CACNB2: variants seen among roughly 807,000 people sequenced by gnomAD.
CACNB2 encodes the protein calcium voltage-gated channel auxiliary subunit beta 2.
CACNB2 carries 42 observed loss-of-function variants against 73.3 expected under a neutral mutation model. The observed-to-expected ratio is 0.57, with a 90% CI of 0.45 to 0.74. The LOEUF (loss-of-function observed/expected upper bound fraction) is 0.74. CACNB2 is among the 30% of genes least tolerant of loss of function. CACNB2 has a pLI of 0.00. For missense variants in CACNB2, 940 were observed against 853.0 expected (o/e 1.10, Z -1.27); for synonymous variants, 348 against 310.3 (o/e 1.12, Z -1.28).
At position 18,372,715 on chromosome 10, in the gene CACNB2, A is replaced by G. The variant is rs183443557; in HGVS notation, c.214-29209A>G. ...AGCCACTGTGCCTAGCGCTGTTTTC[A>G]TATTTTTAAGCCATATTTCCTTCTT... On this transcript the variant is annotated intron_variant, in intron 2 of 13. Coordinates refer to ENST00000324631, the MANE Select transcript of CACNB2 (RefSeq NM_201596.3). 7.2e-5 allele frequency among the ~76,000 whole-genome samples: 11 copies of G among 152,126 alleles called. No individual in the cohort carries two copies. In the East Asian group the frequency reaches 1.9e-3, roughly 27 times the overall value.
At chr10:18,502,345 A>T (rs2050239038) in intron 5 of CACNB2, among the ~76,000 whole-genome samples, 1 of 151,300 alleles carries the variant, frequency 6.6e-6, no homozygotes, top group Admixed American at 6.6e-5. Context: ...TTGCAGCAAC[A>T]TGGATGGAGC....
chr10:18,240,799 C>T lies in CACNB2; in HGVS notation c.213+89824C>T, dbSNP rs1437757073. On this transcript the variant is annotated intron_variant, in intron 2 of 13. Transcript: ENST00000324631. ...AGATGCCTCCTTCCCTTTTCTCCCC[C>T]ATCCTGCCTGCCTACTCAAAGCCAA... 7.2e-5 allele frequency among the ~76,000 whole-genome samples: 11 copies of T among 152,178 alleles called. No individual in the cohort carries two copies. In the East Asian group the frequency reaches 2.1e-3, roughly 29 times the overall value.
rs146083823 is a variant in CACNB2 at position 18,404,615 on chromosome 10, A to G, written c.333+2572A>G. ...ACTCTACAAGTCAGTGCTTTTACTC[A>G]CCTTACAGATCACATGTAATAAATA... is the stretch of plus-strand genomic sequence containing the variant. On this transcript the variant is annotated intron_variant, in intron 3 of 13. Coordinates refer to ENST00000324631, the MANE Select transcript of CACNB2 (RefSeq NM_201596.3). Among the ~76,000 whole-genome samples the G allele has an allele frequency of 3.2e-4, 49 of 152,310 alleles. 1 individual carries two copies. In the East Asian group the frequency reaches 9.1e-3, roughly 28 times the overall value.
At position 18,303,459 on chromosome 10, in the gene CACNB2, C is replaced by T. The variant is rs563577432; in HGVS notation, c.214-98465C>T. Reference sequence around the variant, plus strand: ...TGGGAAGGCTGCAGTGAGCCATGATCACGCCACTGCAATCCAGCCTGCGTG... The same window carrying T: ...TGGGAAGGCTGCAGTGAGCCATGATTACGCCACTGCAATCCAGCCTGCGTG... On this transcript the variant is annotated intron_variant, in intron 2 of 13. Transcript: ENST00000324631. Among the ~76,000 whole-genome samples, 8 of 152,168 alleles carry T rather than the reference C, an allele frequency of 5.3e-5. No homozygotes were observed. The East Asian group carries it at 1.6e-3, about 30-fold the overall frequency.
At chr10:18,325,851 C>A (rs1366447224) in intron 2 of CACNB2, among the ~76,000 whole-genome samples, 1 of 151,886 alleles carries the variant, frequency 6.6e-6, no homozygotes, top group Non-Finnish European at 1.5e-5. Flanking sequence ...CTCAAGCCAA[C>A]CTCTCACCTC....
intron 2 of CACNB2, among the ~76,000 whole-genome samples, chr10:18,269,994 CAGTT>C (rs1403089568): frequency 6.6e-6 from 1 of 152,132 alleles, no homozygotes; most frequent in Non-Finnish European, 1.5e-5. Flanking sequence ...TTTTCTTCCC[CAGTT>C]ACCACAGTAA....
chr10:18,406,308 G>C (rs1317478968), intron 3 of CACNB2, among the ~76,000 whole-genome samples: 1 of 152,194 alleles, frequency 6.6e-6, no homozygotes, highest in Non-Finnish European at 1.5e-5. Context: ...CTTGGAGGAG[G>C]TAGTGGCTTA....
At chr10:18,481,204 ATATATATATATATATATATATATATATT>A (rs1333507705) in intron 3 of CACNB2, among the ~76,000 whole-genome samples, 225 of 11,002 alleles carry the variant, frequency 0.02, 2 homozygotes, top group East Asian at 0.098. Context: ...ATATATATAT[ATATATATATATATATATATATATATATT>A]TTTTTTTTTT....
intron 2 of CACNB2, among the ~76,000 whole-genome samples, chr10:18,252,865 A>C (rs899811340): frequency 5.3e-5 from 8 of 152,222 alleles, no homozygotes; most frequent in Admixed American, 4.6e-4. Context: ...TCTGAAAGGT[A>C]GGCAGGTAGG....
At position 18,464,541 on chromosome 10, in the gene CACNB2, C is replaced by G. The variant is rs145403039; in HGVS notation, c.334-33814C>G. Among the ~76,000 whole-genome samples the G allele has an allele frequency of 8.1e-3, 1,233 of 151,954 alleles. 15 individuals are homozygous for G. Among genetic ancestry groups the G allele is most frequent in the African/African-American group, 0.028 (1,178 of 41,432 alleles). On this transcript the variant is annotated intron_variant, in intron 3 of 13. Coordinates refer to ENST00000324631, the MANE Select transcript of CACNB2 (RefSeq NM_201596.3). The stretch of plus-strand genomic sequence containing the variant: ...ACACGGACCTCAAACTTACCCAAAT[C>G]GGAGCACCTGATTGCCCACCTCTAC...
At chr10:18,280,349 C>A (rs1466244746) in intron 2 of CACNB2, among the ~76,000 whole-genome samples, 2 of 152,114 alleles carry the variant, frequency 1.3e-5, no homozygotes, top group Admixed American at 6.6e-5. Flanking sequence ...CTATAAGAAT[C>A]TTTTATTTTG....
At chr10:18,298,353 G>A (rs1372329934) in intron 2 of CACNB2, among the ~76,000 whole-genome samples, 1 of 149,698 alleles carries the variant, frequency 6.7e-6, no homozygotes, top group Non-Finnish European at 1.5e-5. Flanking sequence ...CTGGGCGAAA[G>A]AGCGAAACTC....
intron 11 of CACNB2, 133 bp downstream of exon 11, chr10:18,534,360 G>A: frequency 1.2e-6 from 1 of 816,212 alleles, no homozygotes; most frequent in South Asian, 1.5e-5. Flanking sequence ...TGATAGTCAA[G>A]AATTTTTAAA....
intron 2 of CACNB2, among the ~76,000 whole-genome samples, chr10:18,384,966 T>A (rs2043163461): frequency 1.3e-5 from 2 of 151,836 alleles, no homozygotes; most frequent in South Asian, 4.2e-4. Flanking sequence ...AACAGTAGAA[T>A]CACATGCAGA....
intron 2 of CACNB2, among the ~76,000 whole-genome samples, chr10:18,261,720 G>T (rs749522310): frequency 6.6e-6 from 1 of 152,100 alleles, no homozygotes; most frequent in Admixed American, 6.5e-5. Context: ...ATAGATAGGC[G>T]CAGAGGCTAA....
intron 3 of CACNB2, among the ~76,000 whole-genome samples, chr10:18,476,218 T>A (rs1046173961): frequency 3.3e-5 from 5 of 152,162 alleles, no homozygotes; most frequent in South Asian, 2.1e-4. Flanking sequence ...CTGGCACTGG[T>A]AGGAGTGTCT....
intron 3 of CACNB2, among the ~76,000 whole-genome samples, chr10:18,459,288 C>A (rs1312488831): frequency 1.3e-5 from 2 of 152,224 alleles, no homozygotes; most frequent in African/African-American, 4.8e-5. Context: ...TTGCCCCTCC[C>A]AGCTATCATT....
intron 2 of CACNB2, among the ~76,000 whole-genome samples, chr10:18,309,649 C>T (rs1589005994): frequency 6.6e-6 from 1 of 151,922 alleles, no homozygotes; most frequent in Middle Eastern, 3.4e-3. Flanking sequence ...GTAGAGACAG[C>T]GTTTCACCAT....
At chr10:18,192,289 TG>T (rs1564332121) in intron 2 of CACNB2, among the ~76,000 whole-genome samples, 3 of 152,030 alleles carry the variant, frequency 2.0e-5, no homozygotes, top group African/African-American at 7.2e-5. Context: ...CATTCATTCA[TG>T]TATTATAATT....
Sources: allele counts gnomAD v4.1 joint callset (sites outside exome capture counted in the v4.1 genomes callset), GRCh38; gene constraint gnomAD v4.1.1; transcripts MANE v1.5; gene names NCBI Gene and HGNC (gene_info 2026-07-23, HGNC 2026-07-21).